Variants in NELL1 observed in about 807,000 individuals in gnomAD.
The protein encoded by NELL1 is neural EGFL like 1.
A neutral mutation model predicts 107.4 loss-of-function variants in NELL1; 76 were observed. The observed-to-expected ratio is 0.71, with a 90% CI of 0.59 to 0.86. NELL1 has a LOEUF of 0.86. Among genes scored for constraint, NELL1 ranks in the 40% least tolerant of loss-of-function variants. The pLI, the probability that NELL1 is intolerant of heterozygous loss-of-function variation, is 0.00. For synonymous variants in NELL1, 353 were observed against 341.2 expected, an observed-to-expected ratio of 1.03 and a Z score of -0.38; for missense variants, 1,024 against 1,005.5, an observed-to-expected ratio of 1.02 and a Z score of -0.25.
chr11:21,447,767 C>A (rs1024598121), intron 15 of NELL1, among the ~76,000 whole-genome samples: 1 of 152,124 alleles, frequency 6.6e-6, no homozygotes. Flanking sequence ...TGCATACCCC[C>A]CAAGTCCTCT....
chr11:20,968,841 T>C (rs995424577), intron 12 of NELL1, among the ~76,000 whole-genome samples: 2 of 152,092 alleles, frequency 1.3e-5, no homozygotes, highest in Admixed American at 1.3e-4. Context: ...GAATGGAAGG[T>C]TACCAGTGGG....
intron 3 of NELL1, among the ~76,000 whole-genome samples, chr11:20,816,025 G>T (rs1012278436): frequency 2.6e-5 from 4 of 152,014 alleles, no homozygotes; most frequent in Non-Finnish European, 5.9e-5. Flanking sequence ...GTCTGTTTTT[G>T]TACCAGTACC....
intron 12 of NELL1, among the ~76,000 whole-genome samples, chr11:21,030,522 C>T (rs1206800518): frequency 6.6e-6 from 1 of 152,054 alleles, no homozygotes; most frequent in Non-Finnish European, 1.5e-5. Flanking sequence ...GATTAGGACC[C>T]AGTGACAATG....
chr11:21,010,969 T>C (rs17878659), intron 12 of NELL1, among the ~76,000 whole-genome samples: 50,574 of 151,980 alleles, frequency 0.33, 10,735 homozygotes, highest in African/African-American at 0.6. Context: ...ATTACAATCA[T>C]ACTGCACTTC....
chr11:21,093,457 A>G (rs1329989410), intron 12 of NELL1, among the ~76,000 whole-genome samples: 1 of 152,180 alleles, frequency 6.6e-6, no homozygotes, highest in Non-Finnish European at 1.5e-5. Flanking sequence ...TTGTCAACTG[A>G]ACCATACACT....
At chr11:20,677,278 T>C (rs960105764) in intron 1 of NELL1, among the ~76,000 whole-genome samples, 1 of 152,156 alleles carries the variant, frequency 6.6e-6, no homozygotes, top group Non-Finnish European at 1.5e-5. Context: ...TTGTGACTGA[T>C]TAATTAGGGA....
At chr11:20,723,748 C>A (rs1040849693) in intron 2 of NELL1, among the ~76,000 whole-genome samples, 3 of 151,964 alleles carry the variant, frequency 2.0e-5, no homozygotes, top group African/African-American at 7.3e-5. Context: ...GGGGCTCCAA[C>A]CCCACATTTT....
chr11:21,174,309 C>A (rs1309402026), intron 13 of NELL1, among the ~76,000 whole-genome samples: 1 of 151,794 alleles, frequency 6.6e-6, no homozygotes, highest in African/African-American at 2.4e-5. Flanking sequence ...CTATATTTCC[C>A]ACAAAATATA....
chr11:20,790,278 G>T (rs1857047973), intron 3 of NELL1, among the ~76,000 whole-genome samples: 1 of 152,200 alleles, frequency 6.6e-6, no homozygotes, highest in African/African-American at 2.4e-5. Context: ...CCTCACCTCA[G>T]CTTCCCTCCT....
In NELL1 at chr11:21,223,631, A is replaced by G. The variant is rs1376962832; in HGVS notation, c.1427-5701A>G. 2.0e-5 allele frequency among the ~76,000 whole-genome samples: 3 copies of G among 151,658 alleles called. No individual in the cohort carries two copies. In the East Asian group the frequency reaches 5.8e-4, roughly 29 times the overall value. On this transcript the variant is annotated intron_variant, in intron 13 of 19. Transcript: ENST00000357134. Reference sequence around the variant, plus strand: ...TAATTGTTTTCTGGTTGTTTTTTATACCCTTTGCTCCTTTCTTCTTCTCTT... The same window carrying G: ...TAATTGTTTTCTGGTTGTTTTTTATGCCCTTTGCTCCTTTCTTCTTCTCTT...
At chr11:20,753,861 G>T (rs1219149137) in intron 2 of NELL1, among the ~76,000 whole-genome samples, 1 of 152,080 alleles carries the variant, frequency 6.6e-6, no homozygotes, top group Non-Finnish European at 1.5e-5. Context: ...TATTTTCTCA[G>T]GAATTCCAGT....
At chr11:20,873,589 ATGT>A (rs1263260414) in intron 4 of NELL1, among the ~76,000 whole-genome samples, 1 of 152,176 alleles carries the variant, frequency 6.6e-6, no homozygotes, top group African/African-American at 2.4e-5. Context: ...TGTGTGGTAG[ATGT>A]TGTTATTAAA....
intron 12 of NELL1, among the ~76,000 whole-genome samples, chr11:21,072,681 C>A (rs1010985139): frequency 1.3e-5 from 2 of 152,134 alleles, no homozygotes; most frequent in Non-Finnish European, 2.9e-5. Context: ...AACTACTGTT[C>A]ATGCCAGAGA....
rs1299967970 is a variant in NELL1 at position 21,335,574 on chromosome 11, C to T, written c.1550-35279C>T. Among the ~76,000 whole-genome samples, 3 of 152,162 alleles carry T rather than the reference C, an allele frequency of 2.0e-5. No individual in the cohort carries two copies. The East Asian group carries it at 5.8e-4, about 29-fold the overall frequency. ...TGTTATCTGCCAATGGAAATTAAAA[C>T]ATTCCCTTCACAGGGGATCTTTCAG... On this transcript the variant is annotated intron_variant, in intron 14 of 19. Coordinates refer to ENST00000357134, the MANE Select transcript of NELL1 (RefSeq NM_006157.5).
At position 20,810,670 on chromosome 11, in the gene NELL1, A is replaced by G. The variant is rs185415460; in HGVS notation, c.335+26840A>G. Among the ~76,000 whole-genome samples, 23 of 152,320 alleles carry G rather than the reference A, an allele frequency of 1.5e-4. No homozygotes were observed. The East Asian group carries it at 4.2e-3, about 28-fold the overall frequency. On this transcript the variant is annotated intron_variant, in intron 3 of 19. Coordinates refer to ENST00000357134, the MANE Select transcript of NELL1 (RefSeq NM_006157.5). ...TTTTGCAATTGCTAATTGTGCTGCTATAAACATGCATGTGCAAGTTTCTTT... is the reference window on the plus strand; with the variant it reads ...TTTTGCAATTGCTAATTGTGCTGCTGTAAACATGCATGTGCAAGTTTCTTT...
intron 14 of NELL1, among the ~76,000 whole-genome samples, chr11:21,278,371 TTATC>T (rs1197964927): frequency 6.6e-6 from 1 of 152,154 alleles, no homozygotes; most frequent in African/African-American, 2.4e-5. Flanking sequence ...CATACCATGA[TTATC>T]TAAGTAGAAA....
chr11:21,143,454 G>A (rs913306968), intron 13 of NELL1, among the ~76,000 whole-genome samples: 1 of 152,100 alleles, frequency 6.6e-6, no homozygotes, highest in African/African-American at 2.4e-5. Flanking sequence ...TGTGAAGCTC[G>A]GGCATTATAT....
rs78378646 is a variant in NELL1, at chr11:21,421,587, C to G, written c.1645+50639C>G. 5.0e-3 allele frequency among the ~76,000 whole-genome samples: 760 copies of G among 152,138 alleles called. 6 individuals are homozygous for G. The highest frequency in any genetic ancestry group is 0.016 in the African/African-American group (654 of 41,506). On this transcript the variant is annotated intron_variant, in intron 15 of 19. Transcript: ENST00000357134. ...TGTTGTAAGCCCTTCTCCACCACCC[C>G]CTCACGTCCCCACCCCACAGCATTA... is the stretch of plus-strand genomic sequence containing the variant.
intron 14 of NELL1, among the ~76,000 whole-genome samples, chr11:21,368,035 A>G (rs1851269782): frequency 6.6e-6 from 1 of 151,876 alleles, no homozygotes; most frequent in Non-Finnish European, 1.5e-5. Context: ...AGACTAAGAT[A>G]CATCAGTATT....
Sources: gnomAD v4.1 joint callset for allele counts (sites outside exome capture counted in the v4.1 genomes callset) on GRCh38, gnomAD v4.1.1 for gene constraint, MANE v1.5 for transcripts, NCBI Gene and HGNC (gene_info 2026-07-23, HGNC 2026-07-21) for gene names.